Variants in PTPRO observed in about 807,000 individuals in gnomAD.
The protein encoded by PTPRO is protein tyrosine phosphatase receptor type O, also known as receptor-type tyrosine-protein phosphatase O.
In PTPRO, 62 loss-of-function variants were observed where a neutral mutation model predicts 145.2. The observed-to-expected ratio is 0.43, with a 90% CI of 0.35 to 0.53. PTPRO has a LOEUF of 0.53. Ranked by LOEUF, PTPRO falls within the 20% of genes least tolerant of loss-of-function variation. PTPRO has a pLI of 0.01. For missense variants in PTPRO, 1,345 were observed against 1,482.7 expected (o/e 0.91, Z 1.53); for synonymous variants, 565 against 514.7 (o/e 1.10, Z -1.32).
chr12:15,542,442 C>T (rs1270407042), intron 12 of PTPRO, among the ~76,000 whole-genome samples: 4 of 152,222 alleles, frequency 2.6e-5, no homozygotes, highest in Non-Finnish European at 4.4e-5. Context: ...ATGGGTTGGA[C>T]AAGTTTGATC....
At chr12:15,572,338 C>T (rs1335480867) in intron 19 of PTPRO, among the ~76,000 whole-genome samples, 2 of 152,026 alleles carry the variant, frequency 1.3e-5, no homozygotes, top group Non-Finnish European at 2.9e-5. Flanking sequence ...CCCAGTGTTC[C>T]TAAAACTATA....
intron 6 of PTPRO, among the ~76,000 whole-genome samples, chr12:15,505,198 C>T (rs137955050): frequency 6.6e-6 from 1 of 152,324 alleles, no homozygotes; most frequent in African/African-American, 2.4e-5. Context: ...CACAACAATT[C>T]TGGTCTTTCT....
At chr12:15,520,439 A>G in intron 10 of PTPRO, 127 bp downstream of exon 10, 1 of 697,344 alleles carries the variant, frequency 1.4e-6, no homozygotes, top group Non-Finnish European at 2.6e-6. Flanking sequence ...TTCATGGGAG[A>G]TAATATTGAT....
At chr12:15,448,512 T>C (rs554127432) in intron 1 of PTPRO, among the ~76,000 whole-genome samples, 10 of 152,048 alleles carry the variant, frequency 6.6e-5, no homozygotes, top group African/African-American at 1.9e-4. Context: ...ATTATCAAAA[T>C]GTCAAGAGAA....
At chr12:15,476,505 T>C (rs936099515) in intron 1 of PTPRO, among the ~76,000 whole-genome samples, 7 of 151,436 alleles carry the variant, frequency 4.6e-5, no homozygotes, top group African/African-American at 1.7e-4. Context: ...TTTTCTCCCA[T>C]GTTGTAGGTT....
chr12:15,456,356 G>A (rs962608990), intron 1 of PTPRO, among the ~76,000 whole-genome samples: 2 of 152,128 alleles, frequency 1.3e-5, no homozygotes, highest in Non-Finnish European at 2.9e-5. Context: ...TTAATATGCT[G>A]TTGTATTTGG....
At chr12:15,466,567 CT>C (rs1941420964) in intron 1 of PTPRO, among the ~76,000 whole-genome samples, 1 of 152,092 alleles carries the variant, frequency 6.6e-6, no homozygotes, top group East Asian at 1.9e-4. Flanking sequence ...TAATTTCCAC[CT>C]TTTTAGACCA....
At chr12:15,535,170 T>C (rs890156483) in intron 12 of PTPRO, among the ~76,000 whole-genome samples, 13 of 152,298 alleles carry the variant, frequency 8.5e-5, no homozygotes, top group Admixed American at 8.5e-4. Flanking sequence ...TCAAGGATTC[T>C]TCTTTGGATG....
chr12:15,401,618 C>G (rs1939495647), intron 1 of PTPRO, among the ~76,000 whole-genome samples: 1 of 152,172 alleles, frequency 6.6e-6, no homozygotes, highest in South Asian at 2.1e-4. Flanking sequence ...ATGGAGTAGA[C>G]ATCCTACAGA....
At chr12:15,586,842 C>T in intron 23 of PTPRO, 55 bp from the exon 24 acceptor site, 1 of 1,602,974 alleles carries the variant, frequency 6.2e-7, no homozygotes, top group East Asian at 2.2e-5. Flanking sequence ...AGTCCTGGGT[C>T]ATCCTAACAG....
intron 23 of PTPRO, among the ~76,000 whole-genome samples, chr12:15,585,915 T>C (rs73297725): frequency 0.043 from 6,559 of 152,198 alleles, 441 homozygotes; most frequent in African/African-American, 0.15. Flanking sequence ...AGAACAACAA[T>C]ATATTTGATG....
intron 7 of PTPRO, among the ~76,000 whole-genome samples, chr12:15,512,315 G>C (rs1255657259): frequency 6.6e-6 from 1 of 151,876 alleles, no homozygotes; most frequent in South Asian, 2.1e-4. Context: ...GGTTTTCATC[G>C]TGTTGGTCAG....
At chr12:15,454,877 G>A (rs1941136227) in intron 1 of PTPRO, among the ~76,000 whole-genome samples, 1 of 151,750 alleles carries the variant, frequency 6.6e-6, no homozygotes, top group Non-Finnish European at 1.5e-5. Flanking sequence ...TCCACATCTA[G>A]GATCAATAAA....
At chr12:15,452,125 G>T (rs1388511837) in intron 1 of PTPRO, among the ~76,000 whole-genome samples, 1 of 152,008 alleles carries the variant, frequency 6.6e-6, no homozygotes, top group East Asian at 1.9e-4. Context: ...GAAGAGAGAA[G>T]ATCCAAATAA....
At chr12:15,437,091 C>T (rs1320846390) in intron 1 of PTPRO, among the ~76,000 whole-genome samples, 4 of 151,612 alleles carry the variant, frequency 2.6e-5, no homozygotes, top group Non-Finnish European at 4.4e-5. Context: ...AGCCACACCA[C>T]CCTTCCTTGA....
chr12:15,527,875 A>ACCCCCCCCCCCCCCCCCCCCCCACCCC (rs1555173370), intron 12 of PTPRO, among the ~76,000 whole-genome samples: 3 of 137,646 alleles, frequency 2.2e-5, no homozygotes, highest in Admixed American at 7.5e-5. Context: ...GGGAACTGTG[A>ACCCCCCCCCCCCCCCCCCCCCCACCCC]CCCGCCCACG....
intron 7 of PTPRO, among the ~76,000 whole-genome samples, chr12:15,513,071 G>GGAAAGAAAGAAA (rs138110186): frequency 1.3e-4 from 7 of 52,886 alleles, no homozygotes; most frequent in African/African-American, 4.6e-4. Context: ...AGAGAAAGAA[G>GGAAAGAAAGAAA]GAAAGAAAGA....
At chr12:15,336,574 A>C (rs1051362737) in intron 1 of PTPRO, among the ~76,000 whole-genome samples, 1 of 152,168 alleles carries the variant, frequency 6.6e-6, no homozygotes, top group Non-Finnish European at 1.5e-5. Context: ...CCATTTTTTC[A>C]CAACTAAACA....
At chr12:15,370,560 G>C (rs996851588) in intron 1 of PTPRO, among the ~76,000 whole-genome samples, 7 of 152,082 alleles carry the variant, frequency 4.6e-5, no homozygotes, top group Non-Finnish European at 1.0e-4. Flanking sequence ...TAAATATCTA[G>C]GAAGGCTAAA....
Sources: gnomAD v4.1 joint callset for allele counts (sites outside exome capture counted in the v4.1 genomes callset) on GRCh38, gnomAD v4.1.1 for gene constraint, MANE v1.5 for transcripts, NCBI Gene and HGNC (gene_info 2026-07-23, HGNC 2026-07-21) for gene names.